DCLK1: variants seen among roughly 807,000 people sequenced by gnomAD.
The protein encoded by DCLK1 is serine/threonine-protein kinase DCLK1.
Under a neutral mutation model 86.2 loss-of-function variants are expected in DCLK1, and 16 were observed. The ratio of observed to expected loss-of-function variants is 0.19; its 90% CI spans 0.13 to 0.28. DCLK1 has a LOEUF of 0.28. Among genes scored for constraint, DCLK1 ranks in the 10% least tolerant of loss-of-function variants. The pLI, the probability that DCLK1 is intolerant of heterozygous loss-of-function variation, is 1.00. For missense variants in DCLK1, 590 were observed against 940.2 expected, an observed-to-expected ratio of 0.63 and a Z score of 4.87; for synonymous variants, 369 against 370.5, an observed-to-expected ratio of 1.00 and a Z score of 0.05.
At chr13:35,865,569 G>GT (rs1254770172) in intron 5 of DCLK1, among the ~76,000 whole-genome samples, 1 of 152,136 alleles carries the variant, frequency 6.6e-6, no homozygotes, top group Non-Finnish European at 1.5e-5. Context: ...AATTCAACAG[G>GT]TATGTGAATC....
At chr13:35,882,752 C>G (rs2153116906) in intron 4 of DCLK1, among the ~76,000 whole-genome samples, 1 of 152,200 alleles carries the variant, frequency 6.6e-6, no homozygotes, top group East Asian at 1.9e-4. Context: ...CCACACTCAA[C>G]TTAAATTCAT....
chr13:36,051,881 G>A (rs958869698), intron 3 of DCLK1, among the ~76,000 whole-genome samples: 1 of 151,982 alleles, frequency 6.6e-6, no homozygotes, highest in South Asian at 2.1e-4. Flanking sequence ...TATGTTTACC[G>A]ATTAATAAAA....
At chr13:35,908,802 A>T (rs971786755) in intron 4 of DCLK1, among the ~76,000 whole-genome samples, 84 of 152,000 alleles carry the variant, frequency 5.5e-4, no homozygotes, top group African/African-American at 1.9e-3. Context: ...TGCCCAGCAA[A>T]TTTTTGTATT....
rs754734751 is a variant in DCLK1, at chr13:35,771,497, C to T, written c.*3038G>A. 7 of 151,920 alleles carry T rather than the reference C, an allele frequency of 4.6e-5. No homozygotes were observed. Among genetic ancestry groups the T allele is most frequent in the South Asian group, 2.1e-4 (1 of 4,806 alleles). The allele number at this position is 151,920 out of a possible 1,614,324, so 9.4% of individuals were successfully genotyped here. On this transcript the variant is annotated 3_prime_UTR_variant, in exon 17 of 17. Transcript: ENST00000360631. ...CAAATCACATATTCATTGATCATGA[C>T]GAATAAAATGATTTCTGCTACAATG...
chr13:36,048,760 C>T (rs1275248173), intron 3 of DCLK1, among the ~76,000 whole-genome samples: 1 of 152,156 alleles, frequency 6.6e-6, no homozygotes, highest in African/African-American at 2.4e-5. Flanking sequence ...CTTTCCTTGA[C>T]AGTGATGGTC....
At chr13:35,972,525 A>AGAAT (rs1879120121) in intron 3 of DCLK1, among the ~76,000 whole-genome samples, 1 of 152,182 alleles carries the variant, frequency 6.6e-6, no homozygotes, top group Non-Finnish European at 1.5e-5. Context: ...TCTGATTACA[A>AGAAT]ACATTCCTGA....
chr13:35,971,072 T>C (rs1480850587), intron 3 of DCLK1, among the ~76,000 whole-genome samples: 1 of 152,202 alleles, frequency 6.6e-6, no homozygotes, highest in Non-Finnish European at 1.5e-5. Context: ...CACTCAGTTC[T>C]GTTAAAAAGA....
At chr13:35,887,242 G>A (rs1236233005) in intron 4 of DCLK1, among the ~76,000 whole-genome samples, 8 of 152,178 alleles carry the variant, frequency 5.3e-5, no homozygotes, top group Non-Finnish European at 1.0e-4. Context: ...GAGTGGGCAG[G>A]GAGGTGAGGT....
chr13:35,936,718 T>C (rs969272077), intron 4 of DCLK1, among the ~76,000 whole-genome samples: 3 of 152,146 alleles, frequency 2.0e-5, no homozygotes, highest in African/African-American at 7.2e-5. Context: ...GATGGCCTGT[T>C]GTTGGAGGTA....
chr13:36,112,042 G>A lies in DCLK1; in HGVS notation c.550C>T (p.Arg184Trp). Residue 184 changes from arginine (R) to tryptophan (W), a missense_variant, in exon 3 of 17, where the codon CGG becomes TGG. Around this residue, in one of 6 missense-constraint regions of DCLK1, gnomAD observed 195 missense variants for 365.1 expected, o/e 0.53. Coordinates refer to ENST00000360631, the MANE Select transcript of DCLK1 (RefSeq NM_001330071.2). ...CTGATGATGGTGACCAGCTTGGGCC[G>A]AATGAAATCCTTATTCTCTCGCACC... The part of the protein sequence containing the change: ...SEVRENKDFI[R>W]PKLVTIIRSG... 2 of 1,614,186 alleles carry A rather than the reference G, an allele frequency of 1.2e-6. No individual in the cohort carries two copies. The highest frequency in any genetic ancestry group is 1.7e-6 in the Non-Finnish European group (2 of 1,180,038).
intron 4 of DCLK1, among the ~76,000 whole-genome samples, chr13:35,933,584 C>T (rs1029109530): frequency 6.6e-6 from 1 of 152,216 alleles, no homozygotes. Context: ...CATGTGGAAG[C>T]TGCCAAGACT....
intron 4 of DCLK1, among the ~76,000 whole-genome samples, chr13:35,945,479 A>G (rs1480707904): frequency 6.6e-6 from 1 of 152,124 alleles, no homozygotes; most frequent in Non-Finnish European, 1.5e-5. Context: ...AGAGTTTGGA[A>G]GCTGTGGCCA....
chr13:36,011,803 A>G (rs1383471186), intron 3 of DCLK1, among the ~76,000 whole-genome samples: 2 of 149,094 alleles, frequency 1.3e-5, no homozygotes, highest in Non-Finnish European at 3.0e-5. Context: ...TGTCTCGTTC[A>G]TCTGTCTAAT....
chr13:35,892,730 AAC>A (rs1438371725), intron 4 of DCLK1, among the ~76,000 whole-genome samples: 8 of 152,206 alleles, frequency 5.3e-5, no homozygotes, highest in African/African-American at 1.9e-4. Context: ...ACAGTCACCT[AAC>A]ACAGGCTGTT....
chr13:35,860,653 C>T (rs1871329459), intron 5 of DCLK1, among the ~76,000 whole-genome samples: 2 of 152,314 alleles, frequency 1.3e-5, no homozygotes, highest in South Asian at 2.1e-4. Context: ...TAGTGTTTCT[C>T]AATTCATTCA....
At chr13:35,968,044 AT>A (rs200806488) in intron 3 of DCLK1, among the ~76,000 whole-genome samples, 5 of 151,824 alleles carry the variant, frequency 3.3e-5, no homozygotes, top group African/African-American at 9.7e-5. Context: ...TAAAAATAAA[AT>A]TTAAAAAAAA....
chr13:36,042,022 C>T (rs1001158473), intron 3 of DCLK1, among the ~76,000 whole-genome samples: 3 of 152,088 alleles, frequency 2.0e-5, no homozygotes, highest in African/African-American at 4.8e-5. Context: ...ATTACTAGAA[C>T]AATTCAAATT....
chr13:35,993,082 G>A (rs558645496), intron 3 of DCLK1, among the ~76,000 whole-genome samples: 4 of 152,258 alleles, frequency 2.6e-5, no homozygotes, highest in East Asian at 1.9e-4. Flanking sequence ...GATGTAATAT[G>A]TGGGTCCAGC....
intron 4 of DCLK1, among the ~76,000 whole-genome samples, chr13:35,913,827 A>T (rs1875193677): frequency 6.6e-6 from 1 of 152,018 alleles, no homozygotes; most frequent in South Asian, 2.1e-4. Flanking sequence ...ATAATATATA[A>T]AAAAAATTCA....
Sources: allele counts gnomAD v4.1 joint callset (sites outside exome capture counted in the v4.1 genomes callset), GRCh38; gene constraint gnomAD v4.1.1; regional missense constraint gnomAD v4.1.1; transcripts MANE v1.5; gene names NCBI Gene and HGNC (gene_info 2026-07-23, HGNC 2026-07-21).